Variants in CADM1 observed in about 807,000 individuals in gnomAD.
The protein encoded by CADM1 is TSLC-1.
Under a neutral mutation model 53.1 loss-of-function variants are expected in CADM1, and 15 were observed. The observed-to-expected ratio is 0.28, with a 90% CI of 0.19 to 0.44. The LOEUF is 0.44. Among genes scored for constraint, CADM1 ranks in the 20% least tolerant of loss-of-function variants. The pLI is 1.00. For synonymous variants in CADM1, 281 were observed against 243.0 expected, an observed-to-expected ratio of 1.16 and a Z score of -1.45; for missense variants, 434 against 611.3, an observed-to-expected ratio of 0.71 and a Z score of 3.06.
rs1448360557 is a variant in CADM1 at position 115,174,287 on chromosome 11, TTTTG to T, written c.*2183_*2186del. The T allele has an allele frequency of 2.1e-5, 21 of 985,654 alleles. No individual in the cohort carries two copies. The highest frequency in any genetic ancestry group is 2.3e-4 in the East Asian group (2 of 8,816). 61.1% of individuals were successfully genotyped at this position (985,654 alleles called of 1,614,324 possible). A position where few individuals can be genotyped will look rare whatever the true frequency, so the allele number is the denominator to read the frequency against. On this transcript the variant is annotated 3_prime_UTR_variant, in exon 12 of 12. Coordinates refer to ENST00000331581, the MANE Select transcript of CADM1 (RefSeq NM_001301043.2). The stretch of plus-strand genomic sequence containing the variant: ...TGTGATTTTTTTTTTTTGTTTTTGT[TTTTG>T]TTTTTCTTTTTTTCTAAAAAGAACA...
intron 1 of CADM1, among the ~76,000 whole-genome samples, chr11:115,468,321 G>A (rs1482966533): frequency 5.9e-5 from 9 of 152,124 alleles, no homozygotes; most frequent in Non-Finnish European, 1.0e-4. Context: ...GAGATGAGAC[G>A]GGTGCACTGG....
chr11:115,185,841 G>C (rs984986874), intron 10 of CADM1, among the ~76,000 whole-genome samples: 8 of 152,316 alleles, frequency 5.3e-5, no homozygotes, highest in African/African-American at 1.9e-4. Context: ...TTTCCCACTA[G>C]AATCTCTCTC....
At chr11:115,351,154 T>A (rs7107623) in intron 1 of CADM1, among the ~76,000 whole-genome samples, 49,995 of 151,866 alleles carry the variant, frequency 0.33, 9,191 homozygotes, top group Non-Finnish European at 0.43. Flanking sequence ...TAAAAGCGAG[T>A]AGTTTTTAAA....
chr11:115,263,003 A>G (rs1943022250), intron 1 of CADM1, among the ~76,000 whole-genome samples: 1 of 152,212 alleles, frequency 6.6e-6, no homozygotes, highest in African/African-American at 2.4e-5. Flanking sequence ...AGTACCGGTC[A>G]GCTATTTTGT....
chr11:115,269,330 C>A lies in CADM1; in HGVS notation c.125-28910G>T, dbSNP rs114013933. ...CCTGAGAGAGTCTGCTGTTTCTTCC[C>A]AGAGCAATTCCACACCAGCAGCTTA... On this transcript the variant is annotated intron_variant, in intron 1 of 11. Coordinates refer to ENST00000331581, the MANE Select transcript of CADM1 (RefSeq NM_001301043.2). Among the ~76,000 whole-genome samples the A allele has an allele frequency of 9.9e-3, 1,506 of 152,226 alleles. 27 individuals are homozygous for A. The highest frequency in any genetic ancestry group is 0.03 in the African/African-American group (1,241 of 41,536).
intron 11 of CADM1, among the ~76,000 whole-genome samples, chr11:115,177,659 A>C (rs1591575767): frequency 6.7e-6 from 1 of 150,068 alleles, no homozygotes; most frequent in African/African-American, 2.5e-5. Flanking sequence ...CTCTGGCCTT[A>C]CCTCCTGTCT....
At chr11:115,179,894 T>C (rs1305883596) in intron 10 of CADM1, among the ~76,000 whole-genome samples, 3 of 152,214 alleles carry the variant, frequency 2.0e-5, no homozygotes, top group African/African-American at 4.8e-5. Context: ...AAGAAGCACA[T>C]GGCCTATAAA....
chr11:115,208,136 A>C (rs1219457614), intron 8 of CADM1, among the ~76,000 whole-genome samples: 1 of 152,230 alleles, frequency 6.6e-6, no homozygotes, highest in Non-Finnish European at 1.5e-5. Flanking sequence ...AGAAACACAC[A>C]CAGACAAGAA....
chr11:115,297,828 A>G lies in CADM1; in HGVS notation c.125-57408T>C, dbSNP rs528459325. Among the ~76,000 whole-genome samples the G allele has an allele frequency of 2.3e-3, 344 of 152,320 alleles. 1 individual carries two copies. Among genetic ancestry groups the G allele is most frequent in the African/African-American group, 7.9e-3 (329 of 41,572 alleles). Reference sequence around the variant, plus strand: ...TAAATTGTGCATGAGTAGACAGAACACTGGGGTTTAAGAATAACTAACTCT... The same window carrying G: ...TAAATTGTGCATGAGTAGACAGAACGCTGGGGTTTAAGAATAACTAACTCT... On this transcript the variant is annotated intron_variant, in intron 1 of 11. Transcript: ENST00000331581.
At chr11:115,260,659 A>T (rs186300265) in intron 1 of CADM1, among the ~76,000 whole-genome samples, 1 of 152,028 alleles carries the variant, frequency 6.6e-6, no homozygotes, top group African/African-American at 2.4e-5. Context: ...GCTTTTTTTA[A>T]ATTTTTATTT....
intron 1 of CADM1, among the ~76,000 whole-genome samples, chr11:115,404,124 G>A (rs186253556): frequency 0.017 from 2,570 of 146,956 alleles, 30 homozygotes; most frequent in Middle Eastern, 0.028. Flanking sequence ...TCAGATGTTC[G>A]AGACCAGCCT....
At chr11:115,373,583 C>CAAAAAA (rs35059216) in intron 1 of CADM1, among the ~76,000 whole-genome samples, 22 of 48,776 alleles carry the variant, frequency 4.5e-4, no homozygotes, top group African/African-American at 1.2e-3. Context: ...GACTCTGTCT[C>CAAAAAA]AAAAAAAAAA....
At chr11:115,343,877 C>T (rs1450807821) in intron 1 of CADM1, among the ~76,000 whole-genome samples, 9 of 152,012 alleles carry the variant, frequency 5.9e-5, no homozygotes, top group African/African-American at 1.9e-4. Flanking sequence ...ATAGGAGTTA[C>T]GATTGAGTTT....
intron 1 of CADM1, among the ~76,000 whole-genome samples, chr11:115,468,986 A>C (rs1948952698): frequency 6.6e-6 from 1 of 152,168 alleles, no homozygotes; most frequent in Non-Finnish European, 1.5e-5. Flanking sequence ...CACTATTAAA[A>C]GAACAGTACA....
chr11:115,241,734 A>G (rs1294693787), intron 1 of CADM1, among the ~76,000 whole-genome samples: 2 of 152,240 alleles, frequency 1.3e-5, no homozygotes, highest in African/African-American at 4.8e-5. Context: ...GCCATTATGC[A>G]TTGGGAGTAG....
At chr11:115,358,549 C>T (rs766193382) in intron 1 of CADM1, among the ~76,000 whole-genome samples, 5 of 152,186 alleles carry the variant, frequency 3.3e-5, no homozygotes, top group Non-Finnish European at 7.3e-5. Context: ...AACCAGGTCC[C>T]TCCCACAACA....
chr11:115,367,157 T>C (rs1359837885), intron 1 of CADM1, among the ~76,000 whole-genome samples: 1 of 152,174 alleles, frequency 6.6e-6, no homozygotes, highest in Non-Finnish European at 1.5e-5. Flanking sequence ...GAGGCTGCAG[T>C]GAGCTATGAT....
chr11:115,355,057 A>T (rs1292173426), intron 1 of CADM1, among the ~76,000 whole-genome samples: 2 of 152,186 alleles, frequency 1.3e-5, no homozygotes, highest in East Asian at 3.9e-4. Flanking sequence ...GATTAATAGA[A>T]ATTATCACTC....
intron 1 of CADM1, 123 bp downstream of exon 1, chr11:115,504,148 C>T (rs925369363): frequency 7.1e-7 from 1 of 1,411,738 alleles, no homozygotes; most frequent in African/African-American, 1.4e-5. Context: ...TCTCCACACT[C>T]CCTCCGCTTC....
Sources: allele counts gnomAD v4.1 joint callset (sites outside exome capture counted in the v4.1 genomes callset), GRCh38; gene constraint gnomAD v4.1.1; transcripts MANE v1.5; gene names NCBI Gene and HGNC (gene_info 2026-07-23, HGNC 2026-07-21).